HMOX1: variants seen among roughly 807,000 people sequenced by gnomAD.
HMOX1 encodes the protein heat shock protein, 32-kD.
HMOX1 carries 22 observed loss-of-function variants against 27.8 expected under a neutral mutation model. The ratio of observed to expected loss-of-function variants is 0.79; its 90% CI spans 0.57 to 1.13. The LOEUF (loss-of-function observed/expected upper bound fraction) is 1.13. Among genes scored for constraint, HMOX1 ranks in the 50% most tolerant of loss-of-function variants. The pLI, the probability that HMOX1 is intolerant of heterozygous loss-of-function variation, is 0.00. For missense variants in HMOX1, 379 were observed against 377.7 expected, an observed-to-expected ratio of 1.00 and a Z score of -0.03; for synonymous variants, 153 against 151.6, an observed-to-expected ratio of 1.01 and a Z score of -0.07.
chr22:35,391,072 T>C (rs17886055), intron 4 of HMOX1, among the ~76,000 whole-genome samples: 5,686 of 152,220 alleles, frequency 0.037, 119 homozygotes, highest in Middle Eastern at 0.082. Context: ...CTAACCTACC[T>C]GGCTTGTGGC....
chr22:35,390,301 G>A (rs773466131), intron 4 of HMOX1: 4 of 351,582 alleles, frequency 1.1e-5, no homozygotes, highest in African/African-American at 2.1e-5. Context: ...TCAGCTCACT[G>A]CAACCTCTGC....
chr22:35,390,219 C>T, intron 4 of HMOX1: 1 of 519,848 alleles, frequency 1.9e-6, no homozygotes, highest in Non-Finnish European at 3.5e-6. Flanking sequence ...AGCCACCATG[C>T]CAGCCTGAAT....
intron 3 of HMOX1, among the ~76,000 whole-genome samples, chr22:35,387,500 G>A (rs183471201): frequency 3.9e-5 from 6 of 152,386 alleles, no homozygotes; most frequent in East Asian, 1.9e-4. Flanking sequence ...AATGGGACAT[G>A]AGAATCAGTT....
intron 4 of HMOX1, among the ~76,000 whole-genome samples, chr22:35,392,348 G>A (rs940441176): frequency 1.4e-4 from 22 of 152,274 alleles, no homozygotes; most frequent in African/African-American, 5.1e-4. Flanking sequence ...TTGCATTTGA[G>A]TATAAAGGAG....
At chr22:35,391,303 T>A (rs1451492065) in intron 4 of HMOX1, among the ~76,000 whole-genome samples, 1 of 143,962 alleles carries the variant, frequency 6.9e-6, no homozygotes, top group Non-Finnish European at 1.5e-5. Context: ...TTTTTTTTTT[T>A]TCGTTTGAGA....
chr22:35,385,852 C>T (rs1341173817), intron 2 of HMOX1, among the ~76,000 whole-genome samples: 2 of 151,882 alleles, frequency 1.3e-5, no homozygotes, highest in East Asian at 1.9e-4. Context: ...AGGCTGGTCT[C>T]GAACTCCTGA....
intron 4 of HMOX1, 122 bp from the exon 5 acceptor site, chr22:35,393,346 T>C: frequency 8.3e-7 from 1 of 1,198,328 alleles, no homozygotes; most frequent in Admixed American, 1.7e-5. Context: ...TCTTGCAGAA[T>C]CCTGGCGTTG....
At chr22:35,389,395 C>CCTTCCTTCCTTTCTTTCTTTCTTT (rs1555901604) in intron 3 of HMOX1, among the ~76,000 whole-genome samples, 5 of 51,798 alleles carry the variant, frequency 9.7e-5, no homozygotes, top group Non-Finnish European at 1.7e-4. Flanking sequence ...TTCCTTCCTT[C>CCTTCCTTCCTTTCTTTCTTTCTTT]CTTTCTTTCT....
chr22:35,389,250 T>TTCTCTC (rs72053640), intron 3 of HMOX1, among the ~76,000 whole-genome samples: 2 of 107,788 alleles, frequency 1.9e-5, no homozygotes, highest in African/African-American at 4.9e-5. Context: ...TTTCTTTCTT[T>TTCTCTC]TCTCTCTCTC....
At position 35,389,975 on chromosome 22, in the gene HMOX1, C is replaced by G; in HGVS notation, c.736+12C>G. On this transcript the variant is annotated intron_variant, in intron 4 of 4. Transcript: ENST00000216117. Reference sequence around the variant, plus strand: ...CAACAAAGTGCAAGGTGAGAGCATCCAGGAAGGGGCACTTCCTCTGGGCTA... The same window carrying G: ...CAACAAAGTGCAAGGTGAGAGCATCGAGGAAGGGGCACTTCCTCTGGGCTA... The G allele has an allele frequency of 6.3e-7, 1 of 1,576,934 alleles. No individual in the cohort carries two copies.
chr22:35,390,448 C>T (rs1403255218), intron 4 of HMOX1, among the ~76,000 whole-genome samples: 1 of 152,016 alleles, frequency 6.6e-6, no homozygotes, highest in African/African-American at 2.4e-5. Flanking sequence ...AGGCTGGTCT[C>T]GAACTCCTGA....
At position 35,387,371 on chromosome 22, in the gene HMOX1, A is replaced by G. The variant is rs575030967; in HGVS notation, c.636+195A>G. Among the ~76,000 whole-genome samples the G allele has an allele frequency of 3.3e-5, 5 of 152,346 alleles. No individual in the cohort carries two copies. The South Asian group carries it at 1.0e-3, about 32-fold the overall frequency. Reference sequence around the variant, plus strand: ...GTACCTCAGTTTCCCTATCTGTAAAATAGGGATAATAATGGTACCTATATC... The same window carrying G: ...GTACCTCAGTTTCCCTATCTGTAAAGTAGGGATAATAATGGTACCTATATC... On this transcript the variant is annotated intron_variant, in intron 3 of 4. Coordinates refer to ENST00000216117, the MANE Select transcript of HMOX1 (RefSeq NM_002133.3).
At chr22:35,385,668 C>T (rs1185303718) in intron 2 of HMOX1, among the ~76,000 whole-genome samples, 6 of 142,230 alleles carry the variant, frequency 4.2e-5, no homozygotes, top group South Asian at 4.6e-4. Context: ...CAGGCTGGAG[C>T]GCAATGGCGT....
intron 2 of HMOX1, among the ~76,000 whole-genome samples, chr22:35,385,818 A>G (rs1249516711): frequency 6.6e-6 from 1 of 150,710 alleles, no homozygotes; most frequent in African/African-American, 2.4e-5. Flanking sequence ...GTTTCACCAT[A>G]TTGCCCAGGC....
chr22:35,386,983 A>C lies in HMOX1; in HGVS notation c.443A>C (p.Lys148Thr). 1 of 1,614,004 alleles carries C rather than the reference A, an allele frequency of 6.2e-7. No individual in the cohort carries two copies. Among genetic ancestry groups the C allele is most frequent in the Non-Finnish European group, 8.5e-7 (1 of 1,180,046 alleles). Residue 148 changes from lysine to threonine, a missense_variant, in exon 3 of 5, where the codon AAA (lysine) becomes ACA (threonine). Coordinates refer to ENST00000216117, the MANE Select transcript of HMOX1 (RefSeq NM_002133.3). ...GACCTGTCTGGGGGCCAGGTGCTCA[A>C]AAAGATTGCCCAGAAAGCCCTGGAC... Reference protein sequence around the residue: ...LGDLSGGQVLKKIAQKALDLP... With the variant: ...LGDLSGGQVLTKIAQKALDLP...
Position 35,389,951 on chromosome 22 carries a change from A to C in HMOX1, c.724A>C (p.Asn242His), listed in dbSNP as rs750535199. 1.6e-5 allele frequency: 26 copies of C among 1,610,524 alleles called. No homozygotes were observed. The highest frequency in any genetic ancestry group is 2.7e-5 in the African/African-American group (2 of 74,860). ...RAPGLRQRAS[N>H]KVQDSAPVET... The stretch of plus-strand genomic sequence containing the variant: ...ACCAGGGCTTCGCCAGCGGGCCAGC[A>C]ACAAAGTGCAAGGTGAGAGCATCCA... The change falls in exon 4 of 5, where the codon AAC becomes CAC. Residue 242 changes from asparagine to histidine, a missense_variant. Coordinates refer to ENST00000216117, the MANE Select transcript of HMOX1 (RefSeq NM_002133.3).
intron 2 of HMOX1, among the ~76,000 whole-genome samples, chr22:35,386,089 G>GA (rs1288885734): frequency 7.9e-5 from 12 of 152,048 alleles, no homozygotes; most frequent in Non-Finnish European, 1.6e-4. Flanking sequence ...CTGAGTAGCT[G>GA]GAACTACAGG....
intron 3 of HMOX1, among the ~76,000 whole-genome samples, chr22:35,389,467 G>C (rs1437208463): frequency 7.7e-6 from 1 of 130,376 alleles, no homozygotes; most frequent in Admixed American, 8.3e-5. Context: ...CTTTCTTGCA[G>C]AGTCTCGCCC....
At chr22:35,389,296 CTTCT>C (rs1555901570) in intron 3 of HMOX1, among the ~76,000 whole-genome samples, 1,046 of 83,270 alleles carry the variant, frequency 0.013, 157 homozygotes, top group South Asian at 0.037. Context: ...TCTCTTCTTT[CTTCT>C]TTCTTTCTTT....
Sources: allele counts gnomAD v4.1 joint callset (sites outside exome capture counted in the v4.1 genomes callset), GRCh38; gene constraint gnomAD v4.1.1; transcripts MANE v1.5; gene names NCBI Gene and HGNC (gene_info 2026-07-23, HGNC 2026-07-21).